PCDHGA3: variants seen among roughly 807,000 people sequenced by gnomAD.
PCDHGA3 encodes protocadherin gamma-A3.
A neutral mutation model predicts 58.5 loss-of-function variants in PCDHGA3; 40 were observed. That is an observed-to-expected ratio of 0.68 (90% CI 0.53 to 0.89). The LOEUF is 0.89. Ranked by LOEUF, PCDHGA3 falls within the 40% of genes least tolerant of loss-of-function variation. The pLI, the probability that PCDHGA3 is intolerant of heterozygous loss-of-function variation, is 0.00. For synonymous variants in PCDHGA3, 530 were observed against 525.7 expected (o/e 1.01, Z -0.11); for missense variants, 1,223 against 1,195.9 (o/e 1.02, Z -0.33).
chr5:141,390,264 G>C lies in PCDHGA3; in HGVS notation c.2424+43807G>C, dbSNP rs771554792. 18 of 1,614,004 alleles carry C rather than the reference G, an allele frequency of 1.1e-5. No individual in the cohort carries two copies. In the African/African-American group the frequency reaches 2.1e-4, roughly 19 times the overall value. Reference sequence around the variant, plus strand: ...CTTATTTCCACTTTGTAATTCCAGTGAATTGACTTCCCATCAGGTGAGTTT... The same window carrying C: ...CTTATTTCCACTTTGTAATTCCAGTCAATTGACTTCCCATCAGGTGAGTTT... On this transcript the variant is annotated intron_variant, in intron 1 of 3. Coordinates refer to ENST00000253812, the MANE Select transcript of PCDHGA3 (RefSeq NM_018916.4).
chr5:141,431,004 G>A lies in PCDHGA3; in HGVS notation c.2425-63803G>A, dbSNP rs569594120. The A allele has an allele frequency of 6.2e-7, 1 of 1,614,048 alleles. No homozygotes were observed. The highest frequency in any genetic ancestry group is 1.1e-5 in the South Asian group (1 of 91,074). On this transcript the variant is annotated intron_variant, in intron 1 of 3. Coordinates refer to ENST00000253812, the MANE Select transcript of PCDHGA3 (RefSeq NM_018916.4). The surrounding 1 kb of genome is among the most constrained non-coding windows in gnomAD (Gnocchi z 4.8). ...CTTTTCGCCCTGAATCCGCGCAGCG[G>A]CAGCTTGGTCACGGCGGGCAGGATA... is the stretch of plus-strand genomic sequence containing the variant.
At chr5:141,430,784 G>T in intron 1 of PCDHGA3, 1 of 1,512,418 alleles carries the variant, frequency 6.6e-7, no homozygotes, top group East Asian at 2.3e-5. Flanking sequence ...ACTGCACCGG[G>T]ACTACAAAGG....
Position 141,345,723 on chromosome 5 carries a change from T to C in PCDHGA3, c.1690T>C (p.Tyr564His). ...DQNDNAPEIL[Y>H]PALPTDGSTG... ...GAACGACAACGCGCCCGAGATCCTGTACCCCGCCCTCCCCACAGACGGTTC... is the reference window on the plus strand; with the variant it reads ...GAACGACAACGCGCCCGAGATCCTGCACCCCGCCCTCCCCACAGACGGTTC... The change falls in exon 1 of 4, where the codon TAC becomes CAC. Residue 564 changes from tyrosine to histidine, a missense_variant. Physicochemically the swap from Tyr to His is moderately conservative, Grantham distance 83. Transcript: ENST00000253812. The C allele has an allele frequency of 6.2e-7, 1 of 1,614,214 alleles. No homozygotes were observed. Among genetic ancestry groups the C allele is most frequent in the Non-Finnish European group, 8.5e-7 (1 of 1,180,024 alleles).
At chr5:141,502,547 C>G (rs1340258642) in intron 2 of PCDHGA3, among the ~76,000 whole-genome samples, 2 of 152,156 alleles carry the variant, frequency 1.3e-5, no homozygotes, top group East Asian at 3.8e-4. Context: ...GTGGTAAAAA[C>G]AGTGTCCCAG....
chr5:141,476,070 C>T lies in PCDHGA3; in HGVS notation c.2425-18737C>T. ...CCCGCTGAAAGTTTCTCAGCGAAAT[C>T]TCAGGGACGATCTGGACCCCGCTGA... is the stretch of plus-strand genomic sequence containing the variant. On this transcript the variant is annotated intron_variant, in intron 1 of 3. Transcript: ENST00000253812. This position sits in a 1 kb window ranked among gnomAD's most constrained non-coding sequence, Gnocchi z 7.6. 6.6e-7 allele frequency: 1 copy of T among 1,522,382 alleles called. No individual in the cohort carries two copies. The highest frequency in any genetic ancestry group is 1.3e-5 in the South Asian group (1 of 77,762). 94.3% of individuals were successfully genotyped at this position (1,522,382 alleles called of 1,614,324 possible). A position where few individuals can be genotyped will look rare whatever the true frequency, so the allele number is the denominator to read the frequency against.
Position 141,476,642 on chromosome 5 carries a change from C to G in PCDHGA3, c.2425-18165C>G. 6.2e-7 allele frequency: 1 copy of G among 1,614,240 alleles called. No homozygotes were observed. The highest frequency in any genetic ancestry group is 8.5e-7 in the Non-Finnish European group (1 of 1,180,050). ...CTCTTTACAAACCTATGAGCTGAGC[C>G]GAAATGAATACTTTGCGCTTCGCGT... On this transcript the variant is annotated intron_variant, in intron 1 of 3. Transcript: ENST00000253812. This position sits in a 1 kb window ranked among gnomAD's most constrained non-coding sequence, Gnocchi z 7.6.
intron 2 of PCDHGA3, among the ~76,000 whole-genome samples, chr5:141,498,309 G>A (rs2099783046): frequency 6.6e-6 from 1 of 151,844 alleles, no homozygotes; most frequent in Non-Finnish European, 1.5e-5. Flanking sequence ...GGGTCACACT[G>A]CCTACACAGA....
In PCDHGA3 at chr5:141,392,458, G is replaced by A. The variant is rs113238570; in HGVS notation, c.2424+46001G>A. The A allele has an allele frequency of 2.2e-3, 375 of 170,410 alleles. 4 individuals are homozygous for A. Among genetic ancestry groups the A allele is most frequent in the African/African-American group, 8.5e-3 (357 of 42,198 alleles). The allele number at this position is 170,410 out of a possible 1,614,324, so 10.6% of individuals were successfully genotyped here. ...GTTTCTTTTAAAATATGGGTTTACG[G>A]ATAAATCAAATAAATTCAAAACAAA... On this transcript the variant is annotated intron_variant, in intron 1 of 3. Coordinates refer to ENST00000253812, the MANE Select transcript of PCDHGA3 (RefSeq NM_018916.4).
intron 1 of PCDHGA3, chr5:141,371,822 C>T (rs3749776): frequency 0.026 from 42,283 of 1,613,860 alleles, 714 homozygotes; most frequent in East Asian, 0.041. Flanking sequence ...ATGTCAGAGC[C>T]TCGGATCCCG....
In PCDHGA3 at chr5:141,493,577, T is replaced by C. The variant is rs2099749081; in HGVS notation, c.2425-1230T>C. On this transcript the variant is annotated intron_variant, in intron 1 of 3. Coordinates refer to ENST00000253812, the MANE Select transcript of PCDHGA3 (RefSeq NM_018916.4). This position sits in a 1 kb window ranked among gnomAD's most constrained non-coding sequence, Gnocchi z 4.3. ...GAGTTCCCCCAGCTCCGTTTCCTCC[T>C]ATCACAATCACTGCATTTCCATGTA... Among the ~76,000 whole-genome samples, 2 of 152,208 alleles carry C rather than the reference T, an allele frequency of 1.3e-5. No homozygotes were observed. The highest frequency in any genetic ancestry group is 1.3e-4 in the Admixed American group (2 of 15,280).
intron 1 of PCDHGA3, among the ~76,000 whole-genome samples, chr5:141,473,698 T>A (rs2099327181): frequency 6.6e-6 from 1 of 152,166 alleles, no homozygotes; most frequent in Non-Finnish European, 1.5e-5. Context: ...CTGACCACCC[T>A]CCAAGTGGTG....
intron 1 of PCDHGA3, chr5:141,361,654 G>A (rs779307225): frequency 1.2e-6 from 2 of 1,613,664 alleles, no homozygotes; most frequent in African/African-American, 1.3e-5. Context: ...CTACGTGTCC[G>A]TGAGCGCGCA....
chr5:141,357,084 CGCACGG>C, intron 1 of PCDHGA3: 1 of 1,613,912 alleles, frequency 6.2e-7, no homozygotes, highest in Middle Eastern at 1.6e-4. Flanking sequence ...AGGTGCGCAC[CGCACGG>C]GCCCTGCTGG....
rs190948188 is a variant in PCDHGA3 at position 141,505,972 on chromosome 5, C to T, written c.2572+491C>T. Among the ~76,000 whole-genome samples the T allele has an allele frequency of 5.4e-4, 82 of 152,250 alleles. 1 individual carries two copies. The highest frequency in any genetic ancestry group is 1.9e-3 in the African/African-American group (79 of 41,558). ...GAAAGTGGGTGTAGAAATCCCCAGC[C>T]GAGAGAACACCTCCTCTTTATGCGA... On this transcript the variant is annotated intron_variant, in intron 3 of 3. Transcript: ENST00000253812.
Position 141,344,998 on chromosome 5 carries a change from A to G in PCDHGA3, c.965A>G (p.Gln322Arg), listed in dbSNP as rs763820741. 3 of 1,613,994 alleles carry G rather than the reference A, an allele frequency of 1.9e-6. No individual in the cohort carries two copies. Among genetic ancestry groups the G allele is most frequent in the East Asian group, 2.2e-5 (1 of 44,882 alleles). ...AMFYEIKIEA[Q>R]DGPGLLSRAK... ...TTCTATGAAATTAAAATTGAAGCAC[A>G]GGATGGACCAGGTCTTCTTTCAAGA... The change falls in exon 1 of 4, where the codon CAG becomes CGG. Residue 322 changes from glutamine to arginine, a missense_variant. Coordinates refer to ENST00000253812, the MANE Select transcript of PCDHGA3 (RefSeq NM_018916.4).
intron 1 of PCDHGA3, chr5:141,398,763 G>C (rs767181565): frequency 3.7e-6 from 6 of 1,613,788 alleles, no homozygotes; most frequent in Non-Finnish European, 5.1e-6. Flanking sequence ...GTTTAGTCCT[G>C]ACTGCCTTGG....
intron 1 of PCDHGA3, chr5:141,413,792 G>C (rs1390056342): frequency 6.2e-7 from 1 of 1,613,134 alleles, no homozygotes; most frequent in South Asian, 1.1e-5. Context: ...TCCCTAGATC[G>C]CGAGGAAGAG....
At chr5:141,419,694 G>A in intron 1 of PCDHGA3, 1 of 1,612,974 alleles carries the variant, frequency 6.2e-7, no homozygotes, top group Non-Finnish European at 8.5e-7. Context: ...GTGCAGGCCA[G>A]TGAGCCCGGG....
intron 1 of PCDHGA3, among the ~76,000 whole-genome samples, chr5:141,452,664 T>C (rs557662640): frequency 6.6e-6 from 1 of 151,058 alleles, no homozygotes; most frequent in South Asian, 2.1e-4. Context: ...TCCACTGCAC[T>C]CCAGCCTAGG....
Sources: allele counts gnomAD v4.1 joint callset (sites outside exome capture counted in the v4.1 genomes callset), GRCh38; gene constraint gnomAD v4.1.1; non-coding constraint Gnocchi (gnomAD v3.1); transcripts MANE v1.5; gene names NCBI Gene and HGNC (gene_info 2026-07-23, HGNC 2026-07-21).